The following RELN variants were observed in gnomAD, a reference collection of about 807,000 sequenced individuals.
RELN encodes reelin.
A neutral mutation model predicts 427.6 loss-of-function variants in RELN; 108 were observed. The ratio of observed to expected loss-of-function variants is 0.25; its 90% confidence interval spans 0.22 to 0.30. RELN has a LOEUF of 0.30. Ranked by LOEUF, RELN falls within the 10% of genes least tolerant of loss-of-function variation. The probability of loss-of-function intolerance (pLI) is 1.00; values close to 1 mark genes in which losing one functional copy is unlikely to be tolerated. For synonymous variants in RELN, 1,524 were observed against 1,513.4 expected (o/e 1.01, Z -0.16); for missense variants, 3,715 against 4,302.8 (o/e 0.86, Z 3.82).
rs1294726040 is a variant in RELN, at chr7:103,748,624, T to C, written c.656+802A>G. Among the ~76,000 whole-genome samples, 3 of 152,236 alleles carry C rather than the reference T, an allele frequency of 2.0e-5. No homozygotes were observed. In the East Asian group the frequency reaches 5.8e-4, roughly 29 times the overall value. ...TAAAATGATTATTGCTAAATATTTG[T>C]TAAAAAGTGAAAATAAAACAGAAAT... is the stretch of plus-strand genomic sequence containing the variant. On this transcript the variant is annotated intron_variant, in intron 6 of 64. Coordinates refer to ENST00000428762, the MANE Select transcript of RELN (RefSeq NM_005045.4).
chr7:103,827,298 T>C (rs905339967), intron 3 of RELN, among the ~76,000 whole-genome samples: 10 of 151,862 alleles, frequency 6.6e-5, no homozygotes, highest in African/African-American at 2.4e-4. Context: ...TAATATAACC[T>C]GTGCTGTTTA....
intron 3 of RELN, among the ~76,000 whole-genome samples, chr7:103,781,358 T>C (rs73412894): frequency 0.18 from 27,096 of 152,110 alleles, 2,586 homozygotes; most frequent in East Asian, 0.31. Context: ...TATAAATATA[T>C]ATTATATATT....
rs767603427 is a variant in RELN at position 103,523,535 on chromosome 7, TGAA to T, written c.7350-7_7350-5del. ...ACGGAAACGAGTGGCTTGGGACCTT[TGAA>T]GAAGATGAGAATTTTAATGAAGGAT... On this transcript the variant is annotated splice_polypyrimidine_tract_variant and splice_region_variant and intron_variant, in intron 46 of 64. Coordinates refer to ENST00000428762, the MANE Select transcript of RELN (RefSeq NM_005045.4). 1.2e-6 allele frequency: 2 copies of T among 1,613,940 alleles called. No individual in the cohort carries two copies. Among genetic ancestry groups the T allele is most frequent in the South Asian group, 1.1e-5 (1 of 91,086 alleles).
At chr7:103,476,690 A>G (rs535009491) in intron 64 of RELN, 32 of 346,118 alleles carry the variant, frequency 9.2e-5, no homozygotes, top group African/African-American at 6.3e-4. Context: ...CCACTTAATA[A>G]ATTGACATGG....
At position 103,989,386 on chromosome 7, in the gene RELN, C is replaced by CGA. The variant is rs1797178640; in HGVS notation, c.-31_-30insTC. ...CCGCCGCCGCCGCCGCCGCCGCGCG[C>CGA]CCTACGCGCCGCTCGCTCATTCAGT... On this transcript the variant is annotated 5_prime_UTR_variant, in exon 1 of 65. Coordinates refer to ENST00000428762, the MANE Select transcript of RELN (RefSeq NM_005045.4). The surrounding 1 kb of genome is among the most constrained non-coding windows in gnomAD (Gnocchi z 4.9). 9.8e-6 allele frequency: 14 copies of CGA among 1,429,156 alleles called. No homozygotes were observed. The highest frequency in any genetic ancestry group is 1.2e-5 in the Non-Finnish European group (13 of 1,103,050). 88.5% of individuals were successfully genotyped at this position (1,429,156 alleles called of 1,614,324 possible).
rs375736178 is a variant in RELN at position 103,764,784 on chromosome 7, C to T, written c.545-11570G>A. On this transcript the variant is annotated intron_variant, in intron 4 of 64. Coordinates refer to ENST00000428762, the MANE Select transcript of RELN (RefSeq NM_005045.4). ...CTGGGAGGCGGAGTTTGCAGTAAGC[C>T]GAGATCGCACCACTGCACTCCAGCC... is the stretch of plus-strand genomic sequence containing the variant. Among the ~76,000 whole-genome samples the T allele has an allele frequency of 9.4e-4, 137 of 145,408 alleles. 1 individual carries two copies. The highest frequency in any genetic ancestry group is 3.6e-3 in the Middle Eastern group (1 of 278).
chr7:103,694,473 T>TGATGATGAG (rs1177366070), intron 10 of RELN, among the ~76,000 whole-genome samples: 1 of 143,506 alleles, frequency 7.0e-6, no homozygotes, highest in East Asian at 2.0e-4. Context: ...AATGAGATGA[T>TGATGATGAG]GATGATGATG....
chr7:103,483,906 G>C (rs1280326627), intron 61 of RELN, 56 bp from the exon 62 acceptor site: 7 of 1,505,804 alleles, frequency 4.6e-6, no homozygotes, highest in Non-Finnish European at 6.3e-6. Context: ...TTGAGATGGA[G>C]TCTTGCTCTG....
intron 6 of RELN, among the ~76,000 whole-genome samples, chr7:103,748,547 A>G (rs1375531288): frequency 6.6e-6 from 1 of 152,190 alleles, no homozygotes; most frequent in East Asian, 1.9e-4. Context: ...CTTCTCTACT[A>G]AACCATTCGT....
chr7:103,905,127 T>C (rs2116630860), intron 2 of RELN, among the ~76,000 whole-genome samples: 1 of 152,100 alleles, frequency 6.6e-6, no homozygotes, highest in Non-Finnish European at 1.5e-5. Context: ...ACTACAGACA[T>C]GTGCCACCAC....
chr7:103,800,308 T>C (rs1033861369), intron 3 of RELN, among the ~76,000 whole-genome samples: 1 of 152,166 alleles, frequency 6.6e-6, no homozygotes, highest in Non-Finnish European at 1.5e-5. Context: ...ACAAAATCAA[T>C]GTGCAAAAAT....
intron 13 of RELN, among the ~76,000 whole-genome samples, 177 bp from the exon 14 acceptor site, chr7:103,652,936 T>A (rs1481130040): frequency 6.6e-6 from 1 of 152,036 alleles, no homozygotes; most frequent in Non-Finnish European, 1.5e-5. Context: ...TCAAGGAGCA[T>A]TCGATTTAGT....
chr7:103,691,565 C>T (rs904465265), intron 10 of RELN, among the ~76,000 whole-genome samples: 10 of 152,232 alleles, frequency 6.6e-5, no homozygotes, highest in Middle Eastern at 3.4e-3. Context: ...GTAATCCCAG[C>T]ACTTTAAGAG....
At chr7:103,909,248 T>G (rs1215836003) in intron 2 of RELN, among the ~76,000 whole-genome samples, 1 of 152,094 alleles carries the variant, frequency 6.6e-6, no homozygotes. Flanking sequence ...GTATGGGCCT[T>G]GGCGATAATT....
chr7:103,637,953 G>A (rs1262369698), intron 17 of RELN, among the ~76,000 whole-genome samples: 1 of 152,132 alleles, frequency 6.6e-6, no homozygotes, highest in Non-Finnish European at 1.5e-5. Flanking sequence ...TGATCGTTTA[G>A]AGATGACTCA....
intron 22 of RELN, among the ~76,000 whole-genome samples, chr7:103,606,800 T>C (rs888535881): frequency 4.6e-5 from 7 of 152,066 alleles, no homozygotes; most frequent in Non-Finnish European, 1.0e-4. Context: ...AAAAAGATAT[T>C]ATTTCCTTAG....
chr7:103,503,128 A>T lies in RELN; in HGVS notation c.8377T>A (p.Cys2793Ser), dbSNP rs1330666143. 6.2e-7 allele frequency: 1 copy of T among 1,614,240 alleles called. No homozygotes were observed. The highest frequency in any genetic ancestry group is 2.2e-5 in the East Asian group (1 of 44,878). The change falls in exon 52 of 65, where the codon TGC becomes AGC. Residue 2793 changes from cysteine (C) to serine (S), a missense_variant. Around this residue, in one of 4 missense-constraint regions of RELN, gnomAD observed 1,310 missense variants for 1,643.0 expected, o/e 0.80. Transcript: ENST00000428762. ...GAGCATTTTGGGTCAGCAGGCAAGC[A>T]CTGAGGGACCAGATAATTCCAACTC... is the stretch of plus-strand genomic sequence containing the variant. Reference protein sequence around the residue: ...GVSWNYLVPQCLPADPKCSGS... With the variant: ...GVSWNYLVPQSLPADPKCSGS...
chr7:103,492,458 C>G (rs1317836787), intron 57 of RELN, among the ~76,000 whole-genome samples: 1 of 152,040 alleles, frequency 6.6e-6, no homozygotes, highest in African/African-American at 2.4e-5. Flanking sequence ...AATATTCGTT[C>G]TTGGGGTTTT....
intron 1 of RELN, among the ~76,000 whole-genome samples, chr7:103,984,214 AT>A (rs1797050974): frequency 6.6e-6 from 1 of 151,982 alleles, no homozygotes; most frequent in Middle Eastern, 3.3e-3. Context: ...AAACTAATCC[AT>A]AAAAATTTGA....
Sources: allele counts gnomAD v4.1 joint callset (sites outside exome capture counted in the v4.1 genomes callset), GRCh38; gene constraint gnomAD v4.1.1; regional missense constraint gnomAD v4.1.1; non-coding constraint Gnocchi (gnomAD v3.1); transcripts MANE v1.5; gene names NCBI Gene and HGNC (gene_info 2026-07-23, HGNC 2026-07-21).